The following DNM3 variants were observed in gnomAD, a reference collection of about 807,000 sequenced individuals.
DNM3 encodes the protein dynamin-3.
A neutral mutation model predicts 101.6 loss-of-function variants in DNM3; 47 were observed. The observed-to-expected ratio is 0.46, with a 90% CI of 0.37 to 0.59. DNM3 has a LOEUF of 0.59. DNM3 is among the 20% of genes least tolerant of loss of function. The pLI is 0.00. For missense variants in DNM3, 849 were observed against 1,085.7 expected (o/e 0.78, Z 3.06); for synonymous variants, 385 against 387.9 (o/e 0.99, Z 0.09).
At chr1:172,293,312 A>G (rs905733167) in intron 15 of DNM3, among the ~76,000 whole-genome samples, 11 of 152,224 alleles carry the variant, frequency 7.2e-5, no homozygotes, top group African/African-American at 2.7e-4. Context: ...AAAGTTACAC[A>G]TACAGTCAAA....
At chr1:172,091,524 AGG>A (rs2147811635) in intron 12 of DNM3, among the ~76,000 whole-genome samples, 1 of 152,302 alleles carries the variant, frequency 6.6e-6, no homozygotes, top group African/African-American at 2.4e-5. Context: ...AGTACATCCT[AGG>A]GAGCTAGCTT....
chr1:172,309,047 T>C (rs1557971821), intron 16 of DNM3: 3 of 433,926 alleles, frequency 6.9e-6, no homozygotes, highest in Non-Finnish European at 1.2e-5. Context: ...TTAAACAATA[T>C]ATTTGTTAAA....
chr1:171,982,399 C>G (rs186863467), intron 2 of DNM3, among the ~76,000 whole-genome samples: 6 of 152,128 alleles, frequency 3.9e-5, no homozygotes, highest in Admixed American at 2.0e-4. Flanking sequence ...AGGTAGAAGA[C>G]AGATTACAGG....
intron 18 of DNM3, chr1:172,386,880 G>T: frequency 2.3e-6 from 1 of 431,288 alleles, no homozygotes; most frequent in Non-Finnish European, 4.3e-6. Context: ...GGCTGGGTTT[G>T]GCCTTCTTCT....
At chr1:172,255,008 C>G (rs987860942) in intron 15 of DNM3, among the ~76,000 whole-genome samples, 2 of 152,060 alleles carry the variant, frequency 1.3e-5, no homozygotes, top group South Asian at 4.1e-4. Context: ...GGTTCAATGA[C>G]TGGCCCAGGG....
At chr1:171,897,667 C>T (rs1349773927) in intron 1 of DNM3, among the ~76,000 whole-genome samples, 2 of 152,072 alleles carry the variant, frequency 1.3e-5, no homozygotes, top group Non-Finnish European at 2.9e-5. Context: ...AAGAATCTTC[C>T]CAAATTCTTA....
intron 2 of DNM3, among the ~76,000 whole-genome samples, chr1:171,967,514 G>C (rs1227524478): frequency 6.6e-6 from 1 of 152,024 alleles, no homozygotes; most frequent in Non-Finnish European, 1.5e-5. Context: ...GAAGAAGAGG[G>C]GGAGAGATTC....
intron 14 of DNM3, among the ~76,000 whole-genome samples, chr1:172,148,250 T>TC (rs2057993900): frequency 6.6e-6 from 1 of 152,042 alleles, no homozygotes; most frequent in Non-Finnish European, 1.5e-5. Context: ...AACTTTTTTT[T>TC]CCTAGATAAA....
At chr1:172,296,671 C>T (rs964227211) in intron 15 of DNM3, among the ~76,000 whole-genome samples, 4 of 152,132 alleles carry the variant, frequency 2.6e-5, no homozygotes, top group East Asian at 1.9e-4. Context: ...GGGTTTGTTT[C>T]GTGCTATTCA....
intron 4 of DNM3, among the ~76,000 whole-genome samples, chr1:172,025,538 C>T (rs1003836106): frequency 6.6e-6 from 1 of 152,184 alleles, no homozygotes; most frequent in Admixed American, 6.5e-5. Context: ...TTGACAGACA[C>T]CTCATACGGG....
Position 172,353,640 on chromosome 1 carries a change from C to T in DNM3, c.1894-25378C>T, listed in dbSNP as rs148537498. Among the ~76,000 whole-genome samples, 1,413 of 152,202 alleles carry T rather than the reference C, an allele frequency of 9.3e-3. 17 individuals are homozygous for T. Among genetic ancestry groups the T allele is most frequent in the African/African-American group, 0.032 (1,311 of 41,528 alleles). The stretch of plus-strand genomic sequence containing the variant: ...TGCTTATTGATTACTGAACTTAGAG[C>T]TCGGAAACTTGAATTTTCATTTTAT... On this transcript the variant is annotated intron_variant, in intron 17 of 20. Coordinates refer to ENST00000627582, the MANE Select transcript of DNM3 (RefSeq NM_015569.5).
intron 14 of DNM3, among the ~76,000 whole-genome samples, chr1:172,239,833 C>A (rs1367973938): frequency 9.1e-6 from 1 of 109,810 alleles, no homozygotes; most frequent in Non-Finnish European, 1.7e-5. Context: ...AGTGGGCAGG[C>A]TAGGAGGCAT....
At chr1:172,207,594 G>C (rs1261824795) in intron 14 of DNM3, among the ~76,000 whole-genome samples, 3 of 151,946 alleles carry the variant, frequency 2.0e-5, no homozygotes, top group Admixed American at 6.6e-5. Flanking sequence ...CATTGAATTT[G>C]GTTCTCAGAT....
chr1:172,146,724 C>T (rs2057918214), intron 14 of DNM3, among the ~76,000 whole-genome samples: 1 of 152,148 alleles, frequency 6.6e-6, no homozygotes, highest in Non-Finnish European at 1.5e-5. Flanking sequence ...AACCAGTAGT[C>T]AGCCAGTATT....
intron 20 of DNM3, 26 bp downstream of exon 20, chr1:172,388,835 G>A: frequency 2.6e-6 from 4 of 1,519,908 alleles, no homozygotes; most frequent in Non-Finnish European, 3.6e-6. Flanking sequence ...GAAATTGGGG[G>A]GGTAGTGCGC....
intron 2 of DNM3, among the ~76,000 whole-genome samples, chr1:171,968,282 T>A (rs928923951): frequency 7.2e-5 from 11 of 152,162 alleles, no homozygotes; most frequent in African/African-American, 2.7e-4. Context: ...AAAACTTCCA[T>A]CTTGTCAAAA....
chr1:172,389,081 T>C, intron 20 of DNM3: 1 of 469,224 alleles, frequency 2.1e-6, no homozygotes, highest in South Asian at 2.8e-5. Flanking sequence ...TTGGCAGCTA[T>C]TGGGAGAATT....
intron 10 of DNM3, among the ~76,000 whole-genome samples, chr1:172,051,739 C>T (rs1040289743): frequency 1.3e-5 from 2 of 152,136 alleles, no homozygotes; most frequent in Middle Eastern, 3.2e-3. Context: ...CCTGTTATTT[C>T]CCCTTCCAGC....
chr1:172,315,135 T>C lies in DNM3; in HGVS notation c.1881+6296T>C, dbSNP rs538698350. On this transcript the variant is annotated intron_variant, in intron 16 of 20. Coordinates refer to ENST00000627582, the MANE Select transcript of DNM3 (RefSeq NM_015569.5). ...TGCTGATACCCAGGCAAACAGGGTC[T>C]GGAGTGGACCTCTAGCAAAGTCCAA... Among the ~76,000 whole-genome samples the C allele has an allele frequency of 2.8e-3, 419 of 152,344 alleles. 1 individual carries two copies. The highest frequency in any genetic ancestry group is 9.5e-3 in the African/African-American group (393 of 41,566).
Sources: gnomAD v4.1 joint callset for allele counts (sites outside exome capture counted in the v4.1 genomes callset) on GRCh38, gnomAD v4.1.1 for gene constraint, MANE v1.5 for transcripts, NCBI Gene and HGNC (gene_info 2026-07-23, HGNC 2026-07-21) for gene names.